The following KIF11 variants were observed in gnomAD, a reference collection of about 807,000 sequenced individuals.
KIF11 encodes the protein kinesin-like protein KIF11.
In KIF11, 9 loss-of-function variants were observed where a neutral mutation model predicts 121.0. The observed-to-expected ratio is 0.07, with a 90% CI of 0.04 to 0.13. The LOEUF (loss-of-function observed/expected upper bound fraction) is 0.13. Among genes scored for constraint, KIF11 ranks in the 10% least tolerant of loss-of-function variants. KIF11 has a pLI of 1.00. For missense variants in KIF11, 846 were observed against 1,217.5 expected, an observed-to-expected ratio of 0.69 and a Z score of 4.54; for synonymous variants, 408 against 421.0, an observed-to-expected ratio of 0.97 and a Z score of 0.38.
chr10:92,650,764 T>C (rs573490071), intron 21 of KIF11, among the ~76,000 whole-genome samples: 27 of 152,236 alleles, frequency 1.8e-4, no homozygotes, highest in African/African-American at 6.5e-4. Context: ...AGCTATTGTA[T>C]TTATTCCTTT....
intron 11 of KIF11, among the ~76,000 whole-genome samples, chr10:92,629,868 T>A (rs1844717537): frequency 6.6e-6 from 1 of 152,182 alleles, no homozygotes; most frequent in African/African-American, 2.4e-5. Context: ...TCTCCTGCCT[T>A]GGCCTCCCAG....
intron 1 of KIF11, among the ~76,000 whole-genome samples, chr10:92,597,950 AT>A (rs112204932): frequency 1.2e-4 from 18 of 148,156 alleles, no homozygotes; most frequent in African/African-American, 2.0e-4. Context: ...TGCCTGGGCT[AT>A]TTTTTTTTTC....
At chr10:92,604,997 G>A (rs551977800) in intron 1 of KIF11, among the ~76,000 whole-genome samples, 1 of 152,092 alleles carries the variant, frequency 6.6e-6, no homozygotes, top group Non-Finnish European at 1.5e-5. Flanking sequence ...GTGATCTGAG[G>A]TTTAGTGGGT....
Position 92,621,466 on chromosome 10 carries a change from A to G in KIF11, c.1210A>G (p.Asn404Asp), listed in dbSNP as rs755835411. The G allele has an allele frequency of 3.7e-6, 6 of 1,600,950 alleles. No homozygotes were observed. In the South Asian group the frequency reaches 5.5e-5, roughly 15 times the overall value. ...AAATGGAGTGTATATTTCTGAAGAAAATTTTAGGTAAGCCCTTGGCTATGG... is the reference window on the plus strand; with the variant it reads ...AAATGGAGTGTATATTTCTGAAGAAGATTTTAGGTAAGCCCTTGGCTATGG... ...EKNGVYISEE[N>D]FRVMSGKLTV... Residue 404 changes from asparagine to aspartate, a missense_variant, in exon 10 of 22, where the codon AAT becomes GAT. Transcript: ENST00000260731.
intron 5 of KIF11, 62 bp from the exon 6 acceptor site, chr10:92,609,297 AGAGAGAGTGTGTGTGTGTGTGTGTGT>A (rs1469037688): frequency 2.4e-6 from 2 of 850,760 alleles, no homozygotes; most frequent in Non-Finnish European, 3.0e-6. Flanking sequence ...AGAGAGAGAG[AGAGAGAGTGTGTGTGTGTGTGTGTGT>A]GTGTGTGTGT....
chr10:92,607,331 C>A, intron 4 of KIF11, 94 bp downstream of exon 4: 1 of 689,974 alleles, frequency 1.4e-6, no homozygotes, highest in Non-Finnish European at 2.5e-6. Context: ...GAATAGAGAT[C>A]AGAGTACCTA....
Position 92,630,305 on chromosome 10 carries a change from G to C in KIF11, c.1435G>C (p.Glu479Gln), listed in dbSNP as rs547554309. ...QETKLQLVKE[E>Q]YITSALESTE... is the part of the protein sequence containing the mutation. ...AACTAAATTACAACTTGTTAAAGAA[G>C]AATATATCACATCAGCTTTGGAAAG... The change falls in exon 12 of 22, where the codon GAA (glutamate) becomes CAA (glutamine). Residue 479 changes from glutamate to glutamine, a missense_variant. Physicochemically the swap from Glu to Gln is conservative, Grantham distance 29 (BLOSUM62 2). Transcript: ENST00000260731. 6.8e-6 allele frequency: 11 copies of C among 1,607,488 alleles called. No individual in the cohort carries two copies. Among genetic ancestry groups the C allele is most frequent in the Middle Eastern group, 3.3e-4 (2 of 6,038 alleles).
chr10:92,606,774 G>A, intron 3 of KIF11, 58 bp downstream of exon 3: 2 of 916,126 alleles, frequency 2.2e-6, no homozygotes, highest in Non-Finnish European at 3.6e-6. Flanking sequence ...TGTGTTTTTT[G>A]TTGTTGTTTG....
At chr10:92,610,938 A>C (rs191394203) in intron 6 of KIF11, among the ~76,000 whole-genome samples, 254 of 152,280 alleles carry the variant, frequency 1.7e-3, no homozygotes, top group Admixed American at 3.0e-3. Context: ...ATTATAACTT[A>C]ATTTCATGTA....
intron 10 of KIF11, among the ~76,000 whole-genome samples, chr10:92,622,009 T>C (rs1329355449): frequency 6.6e-6 from 1 of 152,204 alleles, no homozygotes; most frequent in Non-Finnish European, 1.5e-5. Context: ...ATGTGGTGGC[T>C]CACACCTGTG....
rs772146436 is a variant in KIF11 at position 92,593,367 on chromosome 10, G to A, written c.-9G>A. 1 of 1,604,956 alleles carries A rather than the reference G, an allele frequency of 6.2e-7. No homozygotes were observed. Among genetic ancestry groups the A allele is most frequent in the African/African-American group, 1.3e-5 (1 of 74,844 alleles). On this transcript the variant is annotated 5_prime_UTR_variant, in exon 1 of 22. Transcript: ENST00000260731. ...GCGGCCGGGCCTTGATTTTTTGGCG[G>A]GGACCGTCATGGCGTCGCAGCCAAA...
At chr10:92,617,985 GC>G (rs1229751455) in intron 9 of KIF11, among the ~76,000 whole-genome samples, 1 of 151,994 alleles carries the variant, frequency 6.6e-6, no homozygotes, top group African/African-American at 2.4e-5. Context: ...TAATCTGCCC[GC>G]CTCAGCCTCC....
intron 1 of KIF11, among the ~76,000 whole-genome samples, chr10:92,600,549 C>A (rs1429684169): frequency 1.3e-5 from 2 of 152,098 alleles, no homozygotes; most frequent in African/African-American, 2.4e-5. Flanking sequence ...CGCTCTGTCA[C>A]CAGGCTGGAG....
chr10:92,614,236 A>G (rs1360791728), intron 8 of KIF11, among the ~76,000 whole-genome samples: 1 of 152,066 alleles, frequency 6.6e-6, no homozygotes, highest in South Asian at 2.1e-4. Context: ...AGCTGGGATT[A>G]CAGGCACCTG....
At position 92,609,010 on chromosome 10, in the gene KIF11, A is replaced by T. The variant is rs765109956; in HGVS notation, c.388-10A>T. 4.1e-6 allele frequency: 6 copies of T among 1,479,784 alleles called. No individual in the cohort carries two copies. Among genetic ancestry groups the T allele is most frequent in the Non-Finnish European group, 5.4e-6 (6 of 1,102,998 alleles). The allele number at this position is 1,479,784 out of a possible 1,614,324, so 91.7% of individuals were successfully genotyped here. The stretch of plus-strand genomic sequence containing the variant: ...TTCTTCCTTTATATTAGTCCTTATT[A>T]TAATTTCAGGATCCCTTGGCTGGTA... On this transcript the variant is annotated splice_polypyrimidine_tract_variant and intron_variant, in intron 4 of 21. Transcript: ENST00000260731.
At position 92,645,399 on chromosome 10, in the gene KIF11, C is replaced by G. The variant is rs749757476; in HGVS notation, c.2304C>G (p.His768Gln). 4 of 1,612,196 alleles carry G rather than the reference C, an allele frequency of 2.5e-6. No individual in the cohort carries two copies. Among genetic ancestry groups the G allele is most frequent in the East Asian group, 2.2e-5 (1 of 44,842 alleles). ...SKDIVNKMTF[H>Q]SQKFCADSDG... is the part of the protein sequence containing the mutation. ...ATATAGTCAACAAAATGACTTTTCA[C>G]AGTCAAAAATTTTGTGCTGATTCTG... The change falls in exon 18 of 22, where the codon CAC (histidine) becomes CAG (glutamine). Residue 768 changes from histidine to glutamine, a missense_variant. Transcript: ENST00000260731.
chr10:92,648,418 A>G lies in KIF11; in HGVS notation c.2754A>G (p.Lys918=). 6.3e-7 allele frequency: 1 copy of G among 1,599,120 alleles called. No homozygotes were observed. The highest frequency in any genetic ancestry group is 8.5e-7 in the Non-Finnish European group (1 of 1,171,160). ...ATTGCTTTCTGGAACAGGATCTGAA[A>G]CTGGATATCCCAACAGGTACTTTAA... The part of the protein sequence containing the change: ...KLNCFLEQDL[K]LDIPTGTTPQ... Residue 918 remains lysine, a synonymous_variant, in exon 19 of 22, where the codon AAA becomes AAG. Coordinates refer to ENST00000260731, the MANE Select transcript of KIF11 (RefSeq NM_004523.4).
rs200057635 is a variant in KIF11, at chr10:92,655,180, T to G, written c.*1384T>G. The G allele has an allele frequency of 2.0e-4, 30 of 152,732 alleles. No individual in the cohort carries two copies. The East Asian group carries it at 5.6e-3, about 28-fold the overall frequency. The allele number at this position is 152,732 out of a possible 1,614,324, so 9.5% of individuals were successfully genotyped here. A position where few individuals can be genotyped will look rare whatever the true frequency, so the allele number is the denominator to read the frequency against. The stretch of plus-strand genomic sequence containing the variant: ...CACGATGAGTTTAGTGTGTAAAGTT[T>G]AGAGACATCTGACTTTGATAGCTAA... On this transcript the variant is annotated 3_prime_UTR_variant, in exon 22 of 22. Transcript: ENST00000260731.
chr10:92,649,827 C>A lies in KIF11; in HGVS notation c.2771-8C>A. ...TAATTTTTACCTCTTATCTAATGTC[C>A]GTTAAAGGTACGACACCACAGAGGA... On this transcript the variant is annotated splice_region_variant and splice_polypyrimidine_tract_variant and intron_variant, in intron 19 of 21. Transcript: ENST00000260731. The A allele has an allele frequency of 6.3e-7, 1 of 1,580,584 alleles. No homozygotes were observed. The highest frequency in any genetic ancestry group is 8.6e-7 in the Non-Finnish European group (1 of 1,156,282).
Sources: gnomAD v4.1 joint callset for allele counts (sites outside exome capture counted in the v4.1 genomes callset) on GRCh38, gnomAD v4.1.1 for gene constraint, MANE v1.5 for transcripts, NCBI Gene and HGNC (gene_info 2026-07-23, HGNC 2026-07-21) for gene names.